The following TRPM6 variants were observed in gnomAD, a reference collection of about 807,000 sequenced individuals.
TRPM6 encodes the protein transient receptor potential cation channel subfamily M member 6.
A neutral mutation model predicts 247.6 loss-of-function variants in TRPM6; 111 were observed. The ratio of observed to expected loss-of-function variants is 0.45; its 90% confidence interval spans 0.38 to 0.52. The LOEUF (loss-of-function observed/expected upper bound fraction) is 0.52, where lower values mean the gene tolerates loss of function less well. TRPM6 is among the 20% of genes least tolerant of loss of function. The pLI is 0.00. For synonymous variants in TRPM6, 892 were observed against 853.8 expected, an observed-to-expected ratio of 1.04 and a Z score of -0.78; for missense variants, 2,126 against 2,421.5, an observed-to-expected ratio of 0.88 and a Z score of 2.56.
chr9:74,816,493 A>G (rs1482355500), intron 11 of TRPM6, among the ~76,000 whole-genome samples, 176 bp downstream of exon 11: 2 of 147,332 alleles, frequency 1.4e-5, no homozygotes, highest in African/African-American at 5.0e-5. Flanking sequence ...AAAAAAACAG[A>G]TGGTTTTCAG....
Position 74,792,633 on chromosome 9 carries a change from C to A in TRPM6, c.2529G>T (p.Trp843Cys). 6.2e-7 allele frequency: 1 copy of A among 1,614,050 alleles called. No individual in the cohort carries two copies. The highest frequency in any genetic ancestry group is 8.5e-7 in the Non-Finnish European group (1 of 1,179,992). ...EFYSAPIVKF[W>C]FYTMAYLAFL... ...TTGCAATGAGACCAACCGTATAAAA[C>A]CAAAACTTGACAATTGGAGCACTGT... is the stretch of plus-strand genomic sequence containing the variant. The change falls in exon 19 of 39, where the codon TGG becomes TGT. Residue 843 changes from tryptophan to cysteine, a missense_variant. Physicochemically the swap from Trp to Cys is radical, Grantham distance 215. This residue lies in a region of TRPM6 where 1,082 missense variants were observed against 1,307.9 expected (regional missense o/e 0.83). Transcript: ENST00000360774.
At chr9:74,799,154 T>C (rs963152978) in intron 17 of TRPM6, among the ~76,000 whole-genome samples, 1 of 152,178 alleles carries the variant, frequency 6.6e-6, no homozygotes, top group African/African-American at 2.4e-5. Context: ...TATGTTGAGA[T>C]CCTTTTTGGT....
At chr9:74,760,671 T>G (rs1454062199) in intron 27 of TRPM6, among the ~76,000 whole-genome samples, 2 of 152,164 alleles carry the variant, frequency 1.3e-5, no homozygotes, top group African/African-American at 4.8e-5. Context: ...GGCTAAAATT[T>G]AAAAGATTGA....
intron 6 of TRPM6, among the ~76,000 whole-genome samples, chr9:74,829,427 G>C (rs1829469502): frequency 6.6e-6 from 1 of 152,158 alleles, no homozygotes; most frequent in Non-Finnish European, 1.5e-5. Context: ...GCTTTTAGAG[G>C]CAAAAGCACA....
chr9:74,796,611 A>T (rs1480106221), intron 18 of TRPM6, 130 bp downstream of exon 18: 6 of 894,670 alleles, frequency 6.7e-6, no homozygotes, highest in Non-Finnish European at 1.1e-5. Context: ...ACCATATGTC[A>T]TCACAGGCCT....
chr9:74,870,192 T>G (rs1351114714), intron 1 of TRPM6, among the ~76,000 whole-genome samples: 1 of 131,514 alleles, frequency 7.6e-6, no homozygotes, highest in Non-Finnish European at 1.7e-5. Context: ...TTAAAATAGT[T>G]GAAAAAATAA....
intron 3 of TRPM6, among the ~76,000 whole-genome samples, chr9:74,851,298 T>G (rs1031029743): frequency 4.6e-5 from 7 of 152,122 alleles, no homozygotes; most frequent in African/African-American, 1.7e-4. Flanking sequence ...AAAATGTCAA[T>G]TCCCTCTCAA....
intron 6 of TRPM6, among the ~76,000 whole-genome samples, chr9:74,828,349 C>T (rs1358179767): frequency 6.6e-6 from 1 of 151,452 alleles, no homozygotes; most frequent in Non-Finnish European, 1.5e-5. Context: ...GAGACTCCGT[C>T]TCAAAAAGAA....
At chr9:74,881,554 T>C (rs1280205917) in intron 1 of TRPM6, among the ~76,000 whole-genome samples, 3 of 152,082 alleles carry the variant, frequency 2.0e-5, no homozygotes, top group Admixed American at 2.0e-4. Context: ...AAAATTAAAA[T>C]AATATTTAAA....
intron 1 of TRPM6, among the ~76,000 whole-genome samples, chr9:74,876,238 C>T (rs951832542): frequency 6.6e-5 from 10 of 152,160 alleles, no homozygotes; most frequent in Admixed American, 2.0e-4. Flanking sequence ...CATGCGCCAC[C>T]ATGCCTGGTC....
intron 21 of TRPM6, among the ~76,000 whole-genome samples, chr9:74,783,776 A>G (rs1349492535): frequency 6.6e-6 from 1 of 152,222 alleles, no homozygotes; most frequent in Non-Finnish European, 1.5e-5. Flanking sequence ...TCAAATAGGA[A>G]AAATCTTTGG....
At position 74,724,735 on chromosome 9, in the gene TRPM6, T is replaced by C; in HGVS notation, c.5947A>G (p.Asn1983Asp). 1 of 1,614,186 alleles carries C rather than the reference T, an allele frequency of 6.2e-7. No individual in the cohort carries two copies. The highest frequency in any genetic ancestry group is 8.5e-7 in the Non-Finnish European group (1 of 1,180,024). Residue 1983 changes from asparagine to aspartate, a missense_variant, in exon 39 of 39, where the codon AAT (asparagine) becomes GAT (aspartate). Physicochemically the swap from Asn to Asp is conservative, Grantham distance 23. This residue lies in a region of TRPM6 where 327 missense variants were observed against 397.7 expected (regional missense o/e 0.82). Coordinates refer to ENST00000360774, the MANE Select transcript of TRPM6 (RefSeq NM_017662.5). ...RKLKLPDLKR[N>D]DYSPERINST... ...TTTATCCTTTCAGGGGAATAGTCATTTCTTTTTAAATCTGCAAGGAGGACA... is the reference window on the plus strand; with the variant it reads ...TTTATCCTTTCAGGGGAATAGTCATCTCTTTTTAAATCTGCAAGGAGGACA...
At chr9:74,766,281 C>T (rs1386256317) in intron 25 of TRPM6, among the ~76,000 whole-genome samples, 2 of 152,162 alleles carry the variant, frequency 1.3e-5, no homozygotes, top group African/African-American at 2.4e-5. Context: ...CTTGATGTCC[C>T]GTGAAACATA....
At chr9:74,787,747 G>C (rs1323340799) in intron 20 of TRPM6, among the ~76,000 whole-genome samples, 1 of 152,168 alleles carries the variant, frequency 6.6e-6, no homozygotes, top group Non-Finnish European at 1.5e-5. Flanking sequence ...ACGGAGTCTC[G>C]CTCTGTCACA....
At chr9:74,812,158 A>G (rs1587533166) in intron 12 of TRPM6, 141 bp downstream of exon 12, 1 of 1,061,760 alleles carries the variant, frequency 9.4e-7, no homozygotes, top group South Asian at 1.4e-5. Context: ...GCCTGGAACT[A>G]GATCCAGCTT....
At chr9:74,763,779 T>C (rs1255056195) in intron 25 of TRPM6, among the ~76,000 whole-genome samples, 2 of 152,208 alleles carry the variant, frequency 1.3e-5, no homozygotes, top group Non-Finnish European at 2.9e-5. Flanking sequence ...ATTATGATGT[T>C]CAGTCATTGA....
rs35593869 is a variant in TRPM6, at chr9:74,819,308, C to CAA, written c.1134+994_1134+995dup. On this transcript the variant is annotated intron_variant, in intron 9 of 38. Coordinates refer to ENST00000360774, the MANE Select transcript of TRPM6 (RefSeq NM_017662.5). ...TAGGTGACAGAGTGAGGCCCTGTCT[C>CAA]AAAAAAAAAAAAAAGAATTGATAAT... 1.7e-4 allele frequency among the ~76,000 whole-genome samples: 21 copies of CAA among 127,212 alleles called. 1 individual carries two copies. Among genetic ancestry groups the CAA allele is most frequent in the South Asian group, 7.8e-4 (3 of 3,844 alleles). 83.5% of individuals were successfully genotyped at this position (127,212 alleles called of 152,430 possible). A position where few individuals can be genotyped will look rare whatever the true frequency, so the allele number is the denominator to read the frequency against.
intron 3 of TRPM6, among the ~76,000 whole-genome samples, chr9:74,854,975 A>C (rs1830479374): frequency 6.6e-6 from 1 of 152,238 alleles, no homozygotes; most frequent in Non-Finnish European, 1.5e-5. Context: ...GACTGTGCCT[A>C]GTCCCAAATG....
chr9:74,767,189 T>C (rs1358828604), intron 25 of TRPM6, among the ~76,000 whole-genome samples: 2 of 152,318 alleles, frequency 1.3e-5, no homozygotes, highest in East Asian at 1.9e-4. Flanking sequence ...AAGCTATAAC[T>C]GTACTGATGA....
Sources: allele counts gnomAD v4.1 joint callset (sites outside exome capture counted in the v4.1 genomes callset), GRCh38; gene constraint gnomAD v4.1.1; regional missense constraint gnomAD v4.1.1; transcripts MANE v1.5; gene names NCBI Gene and HGNC (gene_info 2026-07-23, HGNC 2026-07-21).